The following LAMA4 variants were observed in gnomAD, a reference collection of about 807,000 sequenced individuals.
LAMA4 encodes laminin subunit alpha-4.
LAMA4 carries 127 observed loss-of-function variants against 207.1 expected under a neutral mutation model. That is an observed-to-expected ratio of 0.61 (90% CI 0.53 to 0.71). The LOEUF is 0.71. Among genes scored for constraint, LAMA4 ranks in the 30% least tolerant of loss-of-function variants. LAMA4 has a pLI of 0.00. For synonymous variants in LAMA4, 761 were observed against 816.0 expected (o/e 0.93, Z 1.15); for missense variants, 2,093 against 2,246.5 (o/e 0.93, Z 1.38).
In LAMA4 at chr6:112,130,010, A is replaced by C. The variant is rs782779430; in HGVS notation, c.3999T>G (p.Val1333=). Residue 1333 remains valine, a synonymous_variant, in exon 30 of 39, where the codon GTT becomes GTG. Coordinates refer to ENST00000230538, the MANE Select transcript of LAMA4 (RefSeq NM_001105206.3). The part of the protein sequence containing the change: ...RYELIVDKSR[V]GSKNPTKGKI... ...TCCCTTTGGTAGGATTCTTACTCCCAACTCTGCTTTTATCTACTATCAGTT... is the reference window on the plus strand; with the variant it reads ...TCCCTTTGGTAGGATTCTTACTCCCCACTCTGCTTTTATCTACTATCAGTT... 6.2e-7 allele frequency: 1 copy of C among 1,613,356 alleles called. No individual in the cohort carries two copies. Among genetic ancestry groups the C allele is most frequent in the South Asian group, 1.1e-5 (1 of 91,062 alleles).
At position 112,144,994 on chromosome 6, in the gene LAMA4, G is replaced by C; in HGVS notation, c.2354-61C>G. On this transcript the variant is annotated intron_variant, in intron 18 of 38. Transcript: ENST00000230538. The stretch of plus-strand genomic sequence containing the variant: ...ACTCAATATTATATTTCAAGAATCA[G>C]ATGTAGACAATAAACATGGATTACA... 8 of 1,417,944 alleles carry C rather than the reference G, an allele frequency of 5.6e-6. No individual in the cohort carries two copies. The South Asian group carries it at 9.6e-5, about 17-fold the overall frequency. The allele number at this position is 1,417,944 out of a possible 1,614,324, so 87.8% of individuals were successfully genotyped here.
intron 5 of LAMA4, chr6:112,200,045 C>A (rs1554351680): frequency 5.8e-6 from 3 of 512,930 alleles, no homozygotes; most frequent in Non-Finnish European, 1.2e-5. Context: ...AACAAGAAAA[C>A]CTGTCTGAGA....
At chr6:112,191,525 T>A in intron 6 of LAMA4, 111 bp downstream of exon 6, 1 of 793,808 alleles carries the variant, frequency 1.3e-6, no homozygotes, top group Non-Finnish European at 2.1e-6. Context: ...CCTGGGAAAG[T>A]GACAAGGGGG....
intron 4 of LAMA4, among the ~76,000 whole-genome samples, chr6:112,204,489 A>G (rs1783938566): frequency 6.6e-6 from 1 of 151,492 alleles, no homozygotes; most frequent in Admixed American, 6.6e-5. Flanking sequence ...AAAAAAAAAC[A>G]AACACTGCAG....
At chr6:112,225,964 C>G (rs540140015) in intron 2 of LAMA4, among the ~76,000 whole-genome samples, 1 of 152,094 alleles carries the variant, frequency 6.6e-6, no homozygotes, top group Admixed American at 6.5e-5. Context: ...CATGCCCTTG[C>G]GTCCTCCTGG....
At position 112,175,349 on chromosome 6, in the gene LAMA4, C is replaced by G; in HGVS notation, c.1321G>C (p.Glu441Gln). ...RSRQPFFTQR[E>Q]LVDEEADEAY... ...TCATCTGCCTCCTCATCCACGAGCT[C>G]CCGTTGGGTGAAAAATGGTTGACGG... is the stretch of plus-strand genomic sequence containing the variant. Residue 441 changes from glutamate (E) to glutamine (Q), a missense_variant, in exon 11 of 39, where the codon GAG becomes CAG. By Grantham distance (29) the Glu-to-Gln change is conservative. This residue lies in a region of LAMA4 where 1,704 missense variants were observed against 1,788.4 expected (regional missense o/e 0.95). Coordinates refer to ENST00000230538, the MANE Select transcript of LAMA4 (RefSeq NM_001105206.3). 6.2e-7 allele frequency: 1 copy of G among 1,614,152 alleles called. No individual in the cohort carries two copies. The highest frequency in any genetic ancestry group is 8.5e-7 in the Non-Finnish European group (1 of 1,180,020).
chr6:112,147,064 C>A (rs1168380810), intron 18 of LAMA4, among the ~76,000 whole-genome samples: 1 of 151,984 alleles, frequency 6.6e-6, no homozygotes, highest in Non-Finnish European at 1.5e-5. Context: ...TGTTTTGAAC[C>A]ACAAAATGCT....
In LAMA4 at chr6:112,150,803, A is replaced by G. The variant is rs9487828; in HGVS notation, c.2057-176T>C. 0.31 allele frequency among the ~76,000 whole-genome samples: 46,998 copies of G among 152,120 alleles called. 7,794 individuals carry two copies. Among genetic ancestry groups the G allele is most frequent in the African/African-American group, 0.43 (17,920 of 41,480 alleles). ...GAAAGTAGCATTTAAAATTCGAGGT[A>G]CAGAATTGCAGAACACTTGTAATAC... On this transcript the variant is annotated intron_variant, in intron 16 of 38. Coordinates refer to ENST00000230538, the MANE Select transcript of LAMA4 (RefSeq NM_001105206.3).
rs968367653 is a variant in LAMA4, at chr6:112,120,324, T to A, written c.4624A>T (p.Ile1542Phe). 8.1e-6 allele frequency: 13 copies of A among 1,613,928 alleles called. No individual in the cohort carries two copies. In the African/African-American group the frequency reaches 1.3e-4, roughly 17 times the overall value. Residue 1542 changes from isoleucine (I) to phenylalanine (F), a missense_variant, in exon 33 of 39, where the codon ATT becomes TTT. Around this residue, in one of 3 missense-constraint regions of LAMA4, gnomAD observed 383 missense variants for 437.8 expected, o/e 0.87. Coordinates refer to ENST00000230538, the MANE Select transcript of LAMA4 (RefSeq NM_001105206.3). ...TCATTGTATTTCTCCTGGCTTCTAA[T>A]CTTCAGTTTTTTGTGACCAACATTA... The part of the protein sequence containing the change: ...MFNVGHKKLK[I>F]RSQEKYNDGL...
chr6:112,136,938 C>A (rs1260322718), intron 24 of LAMA4, among the ~76,000 whole-genome samples: 1 of 152,010 alleles, frequency 6.6e-6, no homozygotes, highest in Non-Finnish European at 1.5e-5. Context: ...AACAGGCCAA[C>A]AGATGTGTCT....
chr6:112,117,845 C>T lies in LAMA4; in HGVS notation c.4875G>A (p.Gly1625=). The part of the protein sequence containing the change: ...SGCLSNLQLN[G]ASITSASQTF... ...TCTGAGAAGCAGAGGTGATGGAGGC[C>T]CCATTGAGCTGGAGATTGCTGAGAC... The change falls in exon 35 of 39, where the codon GGG becomes GGA. Residue 1625 remains glycine (G), a synonymous_variant. Coordinates refer to ENST00000230538, the MANE Select transcript of LAMA4 (RefSeq NM_001105206.3). This position sits in a 1 kb window ranked among gnomAD's most constrained non-coding sequence, Gnocchi z 4.5. 6.2e-7 allele frequency: 1 copy of T among 1,613,504 alleles called. No individual in the cohort carries two copies. The highest frequency in any genetic ancestry group is 8.5e-7 in the Non-Finnish European group (1 of 1,179,664).
chr6:112,214,715 C>A (rs1387205475), intron 3 of LAMA4, among the ~76,000 whole-genome samples: 1 of 152,184 alleles, frequency 6.6e-6, no homozygotes, highest in Non-Finnish European at 1.5e-5. Flanking sequence ...GGCAGCTTCA[C>A]TGAGTGCACA....
intron 16 of LAMA4, 195 bp downstream of exon 16, chr6:112,154,656 A>G: frequency 1.8e-6 from 1 of 567,892 alleles, no homozygotes; most frequent in East Asian, 3.1e-5. Context: ...ACTACATAGC[A>G]TTTTTTTTTT....
chr6:112,182,710 T>C (rs1287035245), intron 9 of LAMA4, among the ~76,000 whole-genome samples: 1 of 152,178 alleles, frequency 6.6e-6, no homozygotes, highest in East Asian at 1.9e-4. Context: ...GGCTCTGCAG[T>C]GGACCTTCAA....
chr6:112,145,603 T>C (rs13205383), intron 18 of LAMA4, among the ~76,000 whole-genome samples: 46,383 of 152,012 alleles, frequency 0.31, 7,620 homozygotes, highest in African/African-American at 0.43. Context: ...AACAGAACTA[T>C]ATTTCACCTG....
At chr6:112,252,656 A>G (rs1455092018) in intron 2 of LAMA4, among the ~76,000 whole-genome samples, 2 of 152,206 alleles carry the variant, frequency 1.3e-5, no homozygotes, top group African/African-American at 4.8e-5. Context: ...ACTCTTAAGT[A>G]AAATTAAGCA....
At chr6:112,231,148 A>G (rs898032628) in intron 2 of LAMA4, among the ~76,000 whole-genome samples, 1 of 152,202 alleles carries the variant, frequency 6.6e-6, no homozygotes, top group Non-Finnish European at 1.5e-5. Flanking sequence ...GTTCAAGTTT[A>G]TCAAATTTAT....
intron 13 of LAMA4, among the ~76,000 whole-genome samples, chr6:112,160,025 C>T (rs1413890028): frequency 6.6e-6 from 1 of 152,154 alleles, no homozygotes; most frequent in African/African-American, 2.4e-5. Flanking sequence ...GACTGAATGT[C>T]AGCTACCCCA....
chr6:112,198,073 G>C (rs960483133), intron 5 of LAMA4, among the ~76,000 whole-genome samples: 5 of 152,196 alleles, frequency 3.3e-5, no homozygotes, highest in Non-Finnish European at 7.3e-5. Flanking sequence ...CCTAGTATGA[G>C]AGTGTGGTAT....
Sources: gnomAD v4.1 joint callset for allele counts (sites outside exome capture counted in the v4.1 genomes callset) on GRCh38, gnomAD v4.1.1 for gene constraint, gnomAD v4.1.1 regional missense constraint, Gnocchi (gnomAD v3.1) non-coding constraint, MANE v1.5 for transcripts, NCBI Gene and HGNC (gene_info 2026-07-23, HGNC 2026-07-21) for gene names.